The following CPA6 variants were observed in gnomAD, a reference collection of about 807,000 sequenced individuals.
CPA6 encodes carboxypeptidase B.
Under a neutral mutation model 63.3 loss-of-function variants are expected in CPA6, and 58 were observed. The ratio of observed to expected loss-of-function variants is 0.92; its 90% CI spans 0.74 to 1.14. The LOEUF is 1.14. CPA6 is among the 50% of genes most tolerant of loss of function. The probability of loss-of-function intolerance (pLI) is 0.00; values close to 1 mark genes in which losing one functional copy is unlikely to be tolerated. For synonymous variants in CPA6, 185 were observed against 179.0 expected (o/e 1.03, Z -0.27); for missense variants, 565 against 526.6 (o/e 1.07, Z -0.71).
chr8:67,538,801 A>T (rs1022532512), intron 2 of CPA6, among the ~76,000 whole-genome samples: 1 of 151,988 alleles, frequency 6.6e-6, no homozygotes, highest in African/African-American at 2.4e-5. Context: ...CTGGGACTAC[A>T]GGTGCCTGCC....
chr8:67,633,680 CAAAAA>C (rs35134242), intron 1 of CPA6, among the ~76,000 whole-genome samples: 1 of 112,078 alleles, frequency 8.9e-6, no homozygotes, highest in South Asian at 2.9e-4. Flanking sequence ...GACTCCGTCT[CAAAAA>C]AAAAAAAAAA....
intron 6 of CPA6, among the ~76,000 whole-genome samples, chr8:67,488,615 T>G (rs559082964): frequency 3.9e-4 from 60 of 152,336 alleles, no homozygotes; most frequent in Middle Eastern, 6.8e-3. Context: ...TTGATGGGGA[T>G]GGCATTGAAT....
At chr8:67,473,019 G>A (rs112988321) in intron 8 of CPA6, among the ~76,000 whole-genome samples, 1 of 152,270 alleles carries the variant, frequency 6.6e-6, no homozygotes, top group African/African-American at 2.4e-5. Context: ...ATAAAACAGG[G>A]AGAGGAAATG....
chr8:67,673,615 A>G (rs1816403301), intron 1 of CPA6, among the ~76,000 whole-genome samples: 1 of 150,908 alleles, frequency 6.6e-6, no homozygotes, highest in Non-Finnish European at 1.5e-5. Flanking sequence ...GATGGTCTCA[A>G]TCTCCTGACC....
chr8:67,695,895 G>C (rs1340313692), intron 1 of CPA6, among the ~76,000 whole-genome samples: 3 of 152,148 alleles, frequency 2.0e-5, no homozygotes, highest in African/African-American at 7.2e-5. Context: ...CAAAATATTT[G>C]CTTCCTCTTC....
chr8:67,701,457 C>T (rs760934348), intron 1 of CPA6, among the ~76,000 whole-genome samples: 16 of 152,094 alleles, frequency 1.1e-4, no homozygotes, highest in Admixed American at 6.5e-4. Flanking sequence ...ACAGATACAC[C>T]GTGACTGTGG....
intron 1 of CPA6, among the ~76,000 whole-genome samples, chr8:67,650,641 T>A (rs944855139): frequency 1.3e-5 from 2 of 152,114 alleles, no homozygotes; most frequent in African/African-American, 4.8e-5. Flanking sequence ...TTCTGCATTG[T>A]AGCTGGGGAG....
At chr8:67,516,857 C>A (rs144641178) in intron 3 of CPA6, among the ~76,000 whole-genome samples, 7 of 151,990 alleles carry the variant, frequency 4.6e-5, no homozygotes, top group Non-Finnish European at 1.0e-4. Context: ...AGTGCAGTGG[C>A]GCGATCTCAG....
intron 2 of CPA6, among the ~76,000 whole-genome samples, chr8:67,580,503 C>T (rs539788628): frequency 6.6e-6 from 1 of 152,230 alleles, no homozygotes; most frequent in East Asian, 1.9e-4. Context: ...AAAAAATAAT[C>T]AAAACTGGGT....
intron 2 of CPA6, among the ~76,000 whole-genome samples, chr8:67,556,599 T>C (rs1813066207): frequency 6.6e-6 from 1 of 152,192 alleles, no homozygotes; most frequent in Non-Finnish European, 1.5e-5. Context: ...GGATGGGAAT[T>C]CTGGGAAGTC....
intron 8 of CPA6, among the ~76,000 whole-genome samples, chr8:67,464,741 T>G (rs1419632351): frequency 6.6e-6 from 1 of 152,258 alleles, no homozygotes; most frequent in African/African-American, 2.4e-5. Flanking sequence ...TAGCCAGCTA[T>G]CTCAGCATCA....
chr8:67,547,326 A>G (rs1037873972), intron 2 of CPA6, among the ~76,000 whole-genome samples: 14 of 152,288 alleles, frequency 9.2e-5, no homozygotes, highest in Admixed American at 2.0e-4. Context: ...GATTATAGGC[A>G]TGAGCCACTG....
At chr8:67,571,405 A>T (rs753818063) in intron 2 of CPA6, among the ~76,000 whole-genome samples, 1 of 152,226 alleles carries the variant, frequency 6.6e-6, no homozygotes, top group South Asian at 2.1e-4. Flanking sequence ...ATACACATTC[A>T]CTTTAAGAAC....
intron 1 of CPA6, among the ~76,000 whole-genome samples, chr8:67,723,885 A>T (rs781333728): frequency 1.3e-5 from 2 of 152,198 alleles, no homozygotes; most frequent in Non-Finnish European, 2.9e-5. Flanking sequence ...AATACCACAA[A>T]GAAAGAAAAA....
chr8:67,438,011 A>G (rs141542179), intron 8 of CPA6, among the ~76,000 whole-genome samples: 41,197 of 151,872 alleles, frequency 0.27, 7,051 homozygotes, highest in African/African-American at 0.49. Context: ...TGCCTCCTTG[A>G]GTTCAAGTGA....
At chr8:67,563,684 T>C (rs929647528) in intron 2 of CPA6, among the ~76,000 whole-genome samples, 1 of 152,164 alleles carries the variant, frequency 6.6e-6, no homozygotes, top group South Asian at 2.1e-4. Context: ...TCTGAGATTG[T>C]ATAGCCTTAA....
intron 2 of CPA6, among the ~76,000 whole-genome samples, chr8:67,532,786 C>T (rs530188874): frequency 6.6e-6 from 1 of 152,108 alleles, no homozygotes; most frequent in East Asian, 1.9e-4. Context: ...TTTACTACAC[C>T]CCTTCCAATA....
chr8:67,665,353 G>A (rs1402698142), intron 1 of CPA6, among the ~76,000 whole-genome samples: 1 of 152,110 alleles, frequency 6.6e-6, no homozygotes, highest in Admixed American at 6.5e-5. Flanking sequence ...CCCATTTGCT[G>A]ACCTCAATTT....
chr8:67,507,999 TTGTGTGTGTGTGTGTG>T (rs145996041), intron 5 of CPA6, among the ~76,000 whole-genome samples: 30 of 142,396 alleles, frequency 2.1e-4, no homozygotes, highest in South Asian at 7.0e-4. Context: ...ATGGGGTGCT[TTGTGTGTGTGTGTGTG>T]TGTGTGTGTG....
Sources: gnomAD v4.1 joint callset for allele counts (sites outside exome capture counted in the v4.1 genomes callset) on GRCh38, gnomAD v4.1.1 for gene constraint, MANE v1.5 for transcripts, NCBI Gene and HGNC (gene_info 2026-07-23, HGNC 2026-07-21) for gene names.